The following RAD51B variants were observed in gnomAD, a reference collection of about 807,000 sequenced individuals.
The protein encoded by RAD51B is DNA repair protein RAD51 homolog 2.
A neutral mutation model predicts 42.2 loss-of-function variants in RAD51B; 38 were observed. The observed-to-expected ratio is 0.90, with a 90% CI of 0.70 to 1.18. The LOEUF is 1.18. Among genes scored for constraint, RAD51B ranks in the 50% most tolerant of loss-of-function variants. The probability of loss-of-function intolerance (pLI) is 0.00; values close to 1 mark genes in which losing one functional copy is unlikely to be tolerated. For missense variants in RAD51B, 373 were observed against 400.7 expected (o/e 0.93, Z 0.59); for synonymous variants, 154 against 145.2 (o/e 1.06, Z -0.43).
intron 10 of RAD51B, among the ~76,000 whole-genome samples, chr14:68,533,497 A>G (rs1353725474): frequency 6.6e-6 from 1 of 152,218 alleles, no homozygotes; most frequent in Non-Finnish European, 1.5e-5. Context: ...GTTTGCCTTT[A>G]AGAGAAACAG....
chr14:68,250,065 G>A (rs568405229), intron 7 of RAD51B, among the ~76,000 whole-genome samples: 3 of 152,262 alleles, frequency 2.0e-5, no homozygotes, highest in African/African-American at 7.2e-5. Flanking sequence ...CTGCTTTGGC[G>A]CTTTAGTGAA....
chr14:68,235,006 T>C (rs1380693005), intron 7 of RAD51B, among the ~76,000 whole-genome samples: 1 of 152,166 alleles, frequency 6.6e-6, no homozygotes, highest in Admixed American at 6.5e-5. Flanking sequence ...TGCTGTTACA[T>C]ATAATATTGT....
chr14:68,053,497 T>C (rs188941353), intron 7 of RAD51B, among the ~76,000 whole-genome samples: 2 of 152,300 alleles, frequency 1.3e-5, no homozygotes, highest in Admixed American at 1.3e-4. Flanking sequence ...ACCTGGCTTC[T>C]AGAAAATGCT....
intron 7 of RAD51B, among the ~76,000 whole-genome samples, chr14:67,989,802 T>A (rs1410556267): frequency 2.0e-5 from 3 of 152,034 alleles, no homozygotes; most frequent in Admixed American, 6.6e-5. Flanking sequence ...AGGGTGTGAG[T>A]CTTTCTTTGA....
intron 8 of RAD51B, among the ~76,000 whole-genome samples, chr14:68,323,034 G>A (rs2082185134): frequency 6.6e-6 from 1 of 152,172 alleles, no homozygotes; most frequent in African/African-American, 2.4e-5. Flanking sequence ...ACACACAGAG[G>A]GAAAACATCT....
chr14:68,474,801 A>G (rs1427093228), intron 10 of RAD51B, among the ~76,000 whole-genome samples: 4 of 152,214 alleles, frequency 2.6e-5, no homozygotes, highest in African/African-American at 4.8e-5. Flanking sequence ...TAATCCTTCA[A>G]CGAAGTCCCT....
rs553669415 is a variant in RAD51B at position 67,928,237 on chromosome 14, G to A, written c.756+41033G>A. On this transcript the variant is annotated intron_variant, in intron 7 of 10. Transcript: ENST00000471583. ...AATCTTGTTGGATTGTATTGATATGGCTCCAATGAATGGAGGAACACCAGT... is the reference window on the plus strand; with the variant it reads ...AATCTTGTTGGATTGTATTGATATGACTCCAATGAATGGAGGAACACCAGT... Among the ~76,000 whole-genome samples the A allele has an allele frequency of 5.9e-5, 9 of 152,150 alleles. No homozygotes were observed. In the East Asian group the frequency reaches 1.7e-3, roughly 29 times the overall value.
At chr14:67,833,424 C>A (rs557795030) in intron 3 of RAD51B, among the ~76,000 whole-genome samples, 1 of 152,134 alleles carries the variant, frequency 6.6e-6, no homozygotes, top group Non-Finnish European at 1.5e-5. Flanking sequence ...GGAAAAACTT[C>A]AGATATGTAG....
intron 7 of RAD51B, among the ~76,000 whole-genome samples, chr14:68,011,927 C>G (rs893668106): frequency 1.3e-5 from 2 of 152,092 alleles, no homozygotes; most frequent in Non-Finnish European, 2.9e-5. Context: ...AGCATCGACA[C>G]TAAAGGTTAG....
intron 10 of RAD51B, among the ~76,000 whole-genome samples, chr14:68,571,046 T>G (rs571481208): frequency 2.6e-4 from 40 of 152,220 alleles, no homozygotes; most frequent in African/African-American, 9.4e-4. Context: ...AAGCCTGACA[T>G]GTAAGATCTA....
At chr14:68,625,186 A>G (rs192748524) in intron 10 of RAD51B, among the ~76,000 whole-genome samples, 3 of 152,310 alleles carry the variant, frequency 2.0e-5, no homozygotes, top group Admixed American at 2.0e-4. Context: ...AGACTGGGAT[A>G]TAATGAGGAG....
intron 10 of RAD51B, chr14:68,541,463 T>G (rs1887962264): frequency 1.0e-6 from 1 of 985,312 alleles, no homozygotes; most frequent in African/African-American, 1.7e-5. Context: ...GGAGGGGGAA[T>G]GGCCCCTCTG....
intron 2 of RAD51B, among the ~76,000 whole-genome samples, 162 bp downstream of exon 2, chr14:67,823,789 G>A (rs2040715830): frequency 6.6e-6 from 1 of 152,174 alleles, no homozygotes; most frequent in South Asian, 2.1e-4. Flanking sequence ...CTCCTTGGGT[G>A]CATTTCCAAC....
chr14:68,608,603 T>A lies in RAD51B; in HGVS notation c.1037-2403T>A, dbSNP rs140287478. Among the ~76,000 whole-genome samples, 8 of 152,262 alleles carry A rather than the reference T, an allele frequency of 5.3e-5. No individual in the cohort carries two copies. In the East Asian group the frequency reaches 1.5e-3, roughly 29 times the overall value. On this transcript the variant is annotated intron_variant, in intron 10 of 10. Transcript: ENST00000487861. The stretch of plus-strand genomic sequence containing the variant: ...TACTCCTGGGCAGGCTGTAGGGCCA[T>A]GGGTCAGTAGCTGAAGGAGCCACCT...
intron 10 of RAD51B, among the ~76,000 whole-genome samples, chr14:68,505,546 CTTTTTTTTTTT>C (rs34764928): frequency 8.9e-6 from 1 of 112,092 alleles, no homozygotes; most frequent in African/African-American, 3.5e-5. Flanking sequence ...ATTAGCCAAT[CTTTTTTTTTTT>C]TTTTTTTTTT....
intron 7 of RAD51B, among the ~76,000 whole-genome samples, chr14:68,080,330 A>T (rs968804200): frequency 6.6e-6 from 1 of 152,318 alleles, no homozygotes; most frequent in African/African-American, 2.4e-5. Flanking sequence ...CCAATTGTAT[A>T]TGTGTTTTCA....
At chr14:68,381,194 C>G (rs973579851) in intron 8 of RAD51B, among the ~76,000 whole-genome samples, 2 of 152,226 alleles carry the variant, frequency 1.3e-5, no homozygotes, top group Admixed American at 6.5e-5. Context: ...CAGAGTCACA[C>G]AGCTAGTTAG....
chr14:68,130,308 C>T (rs1390932451), intron 7 of RAD51B: 1 of 152,172 alleles, frequency 6.6e-6, no homozygotes, highest in East Asian at 1.9e-4. Flanking sequence ...AATCAACATT[C>T]TTATTATATA....
chr14:68,415,060 TCA>T (rs1435846295), intron 9 of RAD51B, among the ~76,000 whole-genome samples: 1 of 68,948 alleles, frequency 1.5e-5, no homozygotes, highest in Non-Finnish European at 2.9e-5. Context: ...AAAAAAAAAA[TCA>T]GTGGTTCTCA....
Sources: gnomAD v4.1 joint callset for allele counts (sites outside exome capture counted in the v4.1 genomes callset) on GRCh38, gnomAD v4.1.1 for gene constraint, MANE v1.5 for transcripts, NCBI Gene and HGNC (gene_info 2026-07-23, HGNC 2026-07-21) for gene names.